Variants in PRTG observed in about 807,000 individuals in gnomAD.
The protein encoded by PRTG is protogenin.
Under a neutral mutation model 122.5 loss-of-function variants are expected in PRTG, and 67 were observed. The ratio of observed to expected loss-of-function variants is 0.55; its 90% CI spans 0.45 to 0.67. The LOEUF (loss-of-function observed/expected upper bound fraction) is 0.67, where lower values mean the gene tolerates loss of function less well. Among genes scored for constraint, PRTG ranks in the 30% least tolerant of loss-of-function variants. PRTG has a pLI of 0.00. For missense variants in PRTG, 1,435 were observed against 1,415.4 expected (o/e 1.01, Z -0.22); for synonymous variants, 554 against 501.1 (o/e 1.11, Z -1.41).
intron 2 of PRTG, among the ~76,000 whole-genome samples, chr15:55,697,310 T>C (rs2059637197): frequency 6.6e-6 from 1 of 152,192 alleles, no homozygotes; most frequent in South Asian, 2.1e-4. Context: ...GTCTTACTTG[T>C]CTGTGTTGCT....
chr15:55,635,941 T>C (rs1210284716), intron 15 of PRTG, among the ~76,000 whole-genome samples: 1 of 152,066 alleles, frequency 6.6e-6, no homozygotes, highest in African/African-American at 2.4e-5. Flanking sequence ...TCTCAGAATA[T>C]ATGTCTAAAT....
intron 11 of PRTG, among the ~76,000 whole-genome samples, chr15:55,662,046 A>AAAAAAACTC (rs1171662677): frequency 1.6e-4 from 25 of 152,198 alleles, no homozygotes; most frequent in Admixed American, 7.9e-4. Context: ...AGGTCCAGGA[A>AAAAAAACTC]AAAAAACTCA....
rs554730270 is a variant in PRTG, at chr15:55,740,866, G to A, written c.95-182C>T. On this transcript the variant is annotated intron_variant, in intron 1 of 19. Transcript: ENST00000389286. ...TTTCAGCAAACTCTTTCAACAAGTCGGAGAAATCACTTTTTACATCTTCAC... is the reference window on the plus strand; with the variant it reads ...TTTCAGCAAACTCTTTCAACAAGTCAGAGAAATCACTTTTTACATCTTCAC... Among the ~76,000 whole-genome samples the A allele has an allele frequency of 3.9e-5, 6 of 152,216 alleles. No individual in the cohort carries two copies. In the East Asian group the frequency reaches 7.7e-4, roughly 20 times the overall value.
At chr15:55,709,012 G>C (rs369837564) in intron 2 of PRTG, among the ~76,000 whole-genome samples, 29 of 151,650 alleles carry the variant, frequency 1.9e-4, no homozygotes, top group African/African-American at 6.5e-4. Flanking sequence ...TTGGTGTGGT[G>C]GTGCGTGCAT....
At chr15:55,635,104 T>TGTGTGTGTGTGTG (rs773250114) in intron 15 of PRTG, among the ~76,000 whole-genome samples, 18 of 112,714 alleles carry the variant, frequency 1.6e-4, no homozygotes, top group East Asian at 6.1e-4. Flanking sequence ...TGTGTGTGTG[T>TGTGTGTGTGTGTG]TTTTTGAGAC....
In PRTG at chr15:55,629,359, GTATATATA is replaced by G. The variant is rs58741046; in HGVS notation, c.2624-363_2624-356del. Among the ~76,000 whole-genome samples the G allele has an allele frequency of 4.6e-3, 345 of 74,530 alleles. 19 individuals are homozygous for G. In the East Asian group the frequency reaches 0.16, roughly 35 times the overall value. 48.9% of individuals were successfully genotyped at this position (74,530 alleles called of 152,430 possible). ...ACAGTACACATTTTTGTTTGGCTTT[GTATATATA>G]TATATATATGTGTGTGTGTGTGTGT... is the stretch of plus-strand genomic sequence containing the variant. On this transcript the variant is annotated intron_variant, in intron 15 of 19. Transcript: ENST00000389286.
chr15:55,679,503 G>T lies in PRTG; in HGVS notation c.974-58C>A, dbSNP rs2059524891. 9 of 1,347,508 alleles carry T rather than the reference G, an allele frequency of 6.7e-6. No individual in the cohort carries two copies. The Admixed American group carries it at 1.7e-4, about 25-fold the overall frequency. The allele number at this position is 1,347,508 out of a possible 1,614,324, so 83.5% of individuals were successfully genotyped here. The stretch of plus-strand genomic sequence containing the variant: ...TGATCCTAATAGGAATGATGTAAAG[G>T]GTCAAGGAAGAAAACAGCAAATGAA... On this transcript the variant is annotated intron_variant, in intron 6 of 19. Coordinates refer to ENST00000389286, the MANE Select transcript of PRTG (RefSeq NM_173814.6).
At chr15:55,646,969 C>G (rs1199594839) in intron 11 of PRTG, among the ~76,000 whole-genome samples, 1 of 152,106 alleles carries the variant, frequency 6.6e-6, no homozygotes, top group Non-Finnish European at 1.5e-5. Flanking sequence ...ATTCTCATCA[C>G]CAGCTCTTCT....
intron 2 of PRTG, among the ~76,000 whole-genome samples, chr15:55,713,545 T>C (rs1410105309): frequency 6.6e-6 from 1 of 152,238 alleles, no homozygotes; most frequent in Non-Finnish European, 1.5e-5. Flanking sequence ...TCTAAAATAG[T>C]TCCACCAGTT....
At chr15:55,706,370 G>T (rs930680045) in intron 2 of PRTG, among the ~76,000 whole-genome samples, 4 of 151,996 alleles carry the variant, frequency 2.6e-5, no homozygotes, top group African/African-American at 9.6e-5. Flanking sequence ...GCAGAAGGTG[G>T]AACATGGGTA....
intron 11 of PRTG, among the ~76,000 whole-genome samples, chr15:55,645,235 A>C: frequency 6.6e-6 from 1 of 150,976 alleles, no homozygotes. Context: ...GGAGATCGAG[A>C]CCATCCTGGC....
chr15:55,628,957 A>C lies in PRTG; in HGVS notation c.2671T>G (p.Tyr891Asp). Residue 891 changes from tyrosine (Y) to aspartate (D), a missense_variant, in exon 16 of 20, where the codon TAC becomes GAC. Physicochemically the swap from Tyr to Asp is radical, Grantham distance 160. Transcript: ENST00000389286. ...TTGGATGCAGATATCTTGACAATGT[A>C]CACATTTCCTGCTACCAAGTTTTCT... ...LLENLVAGNVYIVKISASNEV... is the reference protein window; with the variant it reads ...LLENLVAGNVDIVKISASNEV... The C allele has an allele frequency of 6.2e-7, 1 of 1,613,196 alleles. No individual in the cohort carries two copies. Among genetic ancestry groups the C allele is most frequent in the Non-Finnish European group, 8.5e-7 (1 of 1,179,382 alleles).
chr15:55,724,430 T>C (rs1465022963), intron 2 of PRTG, among the ~76,000 whole-genome samples: 1 of 152,126 alleles, frequency 6.6e-6, no homozygotes, highest in Non-Finnish European at 1.5e-5. Context: ...ATCACAGGGA[T>C]TGGAAGACAG....
chr15:55,627,286 A>T (rs2059200165), intron 16 of PRTG, among the ~76,000 whole-genome samples, 158 bp from the exon 17 acceptor site: 1 of 151,730 alleles, frequency 6.6e-6, no homozygotes, highest in African/African-American at 2.4e-5. Flanking sequence ...GTAATCTTTA[A>T]TCAGTGATTT....
chr15:55,702,785 A>ATT (rs994087399), intron 2 of PRTG: 3 of 313,124 alleles, frequency 9.6e-6, no homozygotes, highest in African/African-American at 6.8e-5. Flanking sequence ...ATCAGTAAGC[A>ATT]TTACACACAC....
At chr15:55,725,890 G>C (rs910708854) in intron 2 of PRTG, among the ~76,000 whole-genome samples, 28 of 152,124 alleles carry the variant, frequency 1.8e-4, no homozygotes, top group African/African-American at 6.8e-4. Context: ...TTCTGCCTCA[G>C]CCTCCGGAGT....
At position 55,732,133 on chromosome 15, in the gene PRTG, A is replaced by G. The variant is rs145615370; in HGVS notation, c.397+8249T>C. 4.2e-3 allele frequency among the ~76,000 whole-genome samples: 639 copies of G among 152,372 alleles called. 6 individuals carry two copies. Among genetic ancestry groups the G allele is most frequent in the African/African-American group, 0.015 (603 of 41,582 alleles). ...CATCTTATAGAACAGAACCACTGTC[A>G]TAATATGTGGTCCATTGTTTGACTG... is the stretch of plus-strand genomic sequence containing the variant. On this transcript the variant is annotated intron_variant, in intron 2 of 19. Transcript: ENST00000389286.
intron 14 of PRTG, 112 bp from the exon 15 acceptor site, chr15:55,637,452 G>A (rs139160305): frequency 0.011 from 8,604 of 776,670 alleles, 91 homozygotes; most frequent in Non-Finnish European, 0.01. Context: ...ACCTCCATAA[G>A]AAATCACAGC....
rs2030101846 is a variant in PRTG, at chr15:55,706,092, C to G, written c.398-22161G>C. Among the ~76,000 whole-genome samples, 3 of 147,634 alleles carry G rather than the reference C, an allele frequency of 2.0e-5. 1 individual carries two copies. The highest frequency in any genetic ancestry group is 7.0e-3 in the Middle Eastern group (2 of 286). On this transcript the variant is annotated intron_variant, in intron 2 of 19. Transcript: ENST00000389286. ...AGCCAGGCTGGTCTCAATCTCCTGA[C>G]CTCGTCATCTGCCCACTTTGGCCTC...
Sources: gnomAD v4.1 joint callset for allele counts (sites outside exome capture counted in the v4.1 genomes callset) on GRCh38, gnomAD v4.1.1 for gene constraint, MANE v1.5 for transcripts, NCBI Gene and HGNC (gene_info 2026-07-23, HGNC 2026-07-21) for gene names.